TARS1: variants seen among roughly 807,000 people sequenced by gnomAD.
TARS1 encodes the protein threonine--tRNA ligase 1, cytoplasmic.
A neutral mutation model predicts 97.7 loss-of-function variants in TARS1; 57 were observed. That is an observed-to-expected ratio of 0.58 (90% CI 0.47 to 0.73). The LOEUF (loss-of-function observed/expected upper bound fraction) is 0.73. Among genes scored for constraint, TARS1 ranks in the 30% least tolerant of loss-of-function variants. The probability of loss-of-function intolerance (pLI) is 0.00; values close to 1 mark genes in which losing one functional copy is unlikely to be tolerated. For synonymous variants in TARS1, 312 were observed against 293.7 expected, an observed-to-expected ratio of 1.06 and a Z score of -0.64; for missense variants, 806 against 888.3, an observed-to-expected ratio of 0.91 and a Z score of 1.18.
Position 33,462,215 on chromosome 5 carries a change from C to T in TARS1, c.1835+12C>T. 1 of 1,604,280 alleles carries T rather than the reference C, an allele frequency of 6.2e-7. No homozygotes were observed. The highest frequency in any genetic ancestry group is 8.5e-7 in the Non-Finnish European group (1 of 1,174,890). On this transcript the variant is annotated intron_variant, in intron 16 of 18. Transcript: ENST00000265112. The stretch of plus-strand genomic sequence containing the variant: ...TATGGGGGCAAATGGTAATTTTTGT[C>T]ACTGTCTTTTTTTTCTGATTAGTAT...
Position 33,448,641 on chromosome 5 carries a change from G to A in TARS1, c.239G>A (p.Ser80Asn). The A allele has an allele frequency of 1.2e-6, 2 of 1,613,862 alleles. No individual in the cohort carries two copies. Among genetic ancestry groups the A allele is most frequent in the South Asian group, 1.1e-5 (1 of 91,062 alleles). ...CTGGCAGAAAAGGCAGAAAAAGATA[G>A]CAAGCCAATTAAAGTCACTTTGCCT... ...SILAEKAEKDSKPIKVTLPDG... is the reference protein window; with the variant it reads ...SILAEKAEKDNKPIKVTLPDG... The change falls in exon 3 of 19, where the codon AGC becomes AAC. Residue 80 changes from serine (S) to asparagine (N), a missense_variant. Physicochemically the swap from Ser to Asn is conservative, Grantham distance 46. Around this residue, in one of 3 missense-constraint regions of TARS1, gnomAD observed 356 missense variants for 357.8 expected, o/e 0.99. Coordinates refer to ENST00000265112, the MANE Select transcript of TARS1 (RefSeq NM_152295.5).
At chr5:33,464,717 G>A (rs1404358458) in intron 17 of TARS1, among the ~76,000 whole-genome samples, 1 of 151,910 alleles carries the variant, frequency 6.6e-6, no homozygotes, top group East Asian at 1.9e-4. Flanking sequence ...AGGGTGTGAT[G>A]ATTGTGCTTG....
chr5:33,447,099 G>A (rs1429086038), intron 2 of TARS1, among the ~76,000 whole-genome samples: 2 of 152,144 alleles, frequency 1.3e-5, no homozygotes, highest in Non-Finnish European at 2.9e-5. Context: ...CTGTGCCTGT[G>A]AATAGTCACT....
chr5:33,448,826 T>A, intron 3 of TARS1, 95 bp downstream of exon 3: 2 of 1,048,708 alleles, frequency 1.9e-6, no homozygotes, highest in South Asian at 5.2e-5. Context: ...AATATTTTTA[T>A]GTTACCATTC....
Position 33,467,699 on chromosome 5 carries a change from A to C in TARS1, c.2163A>C (p.Glu721Asp). The C allele has an allele frequency of 1.2e-6, 2 of 1,608,398 alleles. No homozygotes were observed. The highest frequency in any genetic ancestry group is 8.5e-7 in the Non-Finnish European group (1 of 1,178,424). Residue 721 changes from glutamate (E) to aspartate (D), a missense_variant, in exon 19 of 19, where the codon GAA becomes GAC. Transcript: ENST00000265112. ...AGTTCCGCAGCAAACAGGCAGAAGA[A>C]GAATTTTAATGAAAAAATTACCCAG... ...LKEFRSKQAE[E>D]EF
At chr5:33,458,459 G>C (rs1047781608) in intron 9 of TARS1, 107 bp from the exon 10 acceptor site, 14 of 804,780 alleles carry the variant, frequency 1.7e-5, no homozygotes, top group African/African-American at 1.1e-4. Flanking sequence ...ATTGAAATAT[G>C]GGACATCATG....
At chr5:33,453,017 G>C (rs1741821938) in intron 3 of TARS1, among the ~76,000 whole-genome samples, 1 of 151,910 alleles carries the variant, frequency 6.6e-6, no homozygotes, top group African/African-American at 2.4e-5. Flanking sequence ...ATTGGAAATT[G>C]ATAGTGCTTA....
At chr5:33,440,944 G>T, upstream of TARS1, 3 of 886,300 alleles carry the variant, frequency 3.4e-6, no homozygotes, top group Non-Finnish European at 5.2e-6. Flanking sequence ...GCAAGTTGGG[G>T]GCGGGGTTAG....
At chr5:33,454,852 T>C in intron 4 of TARS1, 93 bp from the exon 5 acceptor site, 1 of 1,467,318 alleles carries the variant, frequency 6.8e-7, no homozygotes, top group South Asian at 1.4e-5. Context: ...TTACTTGTAG[T>C]AAATATTATC....
rs1241424278 is a variant in TARS1, at chr5:33,443,618, G to A, written c.58-1706G>A. On this transcript the variant is annotated intron_variant, in intron 1 of 18. Coordinates refer to ENST00000265112, the MANE Select transcript of TARS1 (RefSeq NM_152295.5). ...AGCCATTCTCCTGCCTCAGCCTCCC[G>A]AGTAGCTGGGACTACAGGCACCCGC... Among the ~76,000 whole-genome samples, 15 of 151,254 alleles carry A rather than the reference G, an allele frequency of 9.9e-5. 1 individual carries two copies. The highest frequency in any genetic ancestry group is 3.4e-4 in the African/African-American group (14 of 41,232).
At chr5:33,448,377 G>A (rs1247048294) in intron 2 of TARS1, among the ~76,000 whole-genome samples, 164 bp from the exon 3 acceptor site, 2 of 152,276 alleles carry the variant, frequency 1.3e-5, no homozygotes, top group East Asian at 3.9e-4. Context: ...CCTTCATTTA[G>A]AACCAAATTG....
At chr5:33,452,531 C>T in intron 3 of TARS1, 1 of 917,762 alleles carries the variant, frequency 1.1e-6, no homozygotes, top group Non-Finnish European at 1.7e-6. Context: ...ACTCTGTGTG[C>T]TCTGATATTT....
At chr5:33,462,719 A>G (rs932784276) in intron 16 of TARS1, among the ~76,000 whole-genome samples, 1 of 152,246 alleles carries the variant, frequency 6.6e-6, no homozygotes, top group Admixed American at 6.5e-5. Context: ...TCCAAGATAC[A>G]TGGCCACATA....
At chr5:33,441,748 CTTTGTGA>C (rs1353218502) in intron 1 of TARS1, 2 of 152,388 alleles carry the variant, frequency 1.3e-5, no homozygotes, top group Non-Finnish European at 2.9e-5. Context: ...AGCCCTAGTG[CTTTGTGA>C]TCAACCTTGT....
Position 33,442,689 on chromosome 5 carries a change from A to T in TARS1, c.57+1546A>T, listed in dbSNP as rs540252685. ...CTGGCTAATTTTTTGTATTTTTAGT[A>T]GAGACGGGGTTTCACCGTGTTAGCC... On this transcript the variant is annotated intron_variant, in intron 1 of 18. Coordinates refer to ENST00000265112, the MANE Select transcript of TARS1 (RefSeq NM_152295.5). 4.0e-5 allele frequency among the ~76,000 whole-genome samples: 6 copies of T among 151,786 alleles called. No individual in the cohort carries two copies. In the East Asian group the frequency reaches 1.2e-3, roughly 29 times the overall value.
intron 8 of TARS1, among the ~76,000 whole-genome samples, chr5:33,456,783 G>A (rs897367034): frequency 1.3e-5 from 2 of 152,248 alleles, no homozygotes. Flanking sequence ...TGGGGGTATT[G>A]GGGTGTAGAA....
chr5:33,451,589 G>A (rs1741737404), intron 3 of TARS1, among the ~76,000 whole-genome samples: 1 of 152,258 alleles, frequency 6.6e-6, no homozygotes, highest in South Asian at 2.1e-4. Context: ...TAGCCAGGAT[G>A]GTCTTGATCT....
chr5:33,453,186 A>G, intron 3 of TARS1, 103 bp from the exon 4 acceptor site: 1 of 1,286,598 alleles, frequency 7.8e-7, no homozygotes, highest in South Asian at 2.2e-5. Context: ...ATCAATATAA[A>G]AAAACAATAT....
intron 6 of TARS1, 134 bp from the exon 7 acceptor site, chr5:33,455,868 A>G: frequency 1.0e-6 from 1 of 993,034 alleles, no homozygotes; most frequent in Non-Finnish European, 1.5e-6. Context: ...TTCCTAGCAA[A>G]CCATTCCTTC....
Sources: gnomAD v4.1 joint callset for allele counts (sites outside exome capture counted in the v4.1 genomes callset) on GRCh38, gnomAD v4.1.1 for gene constraint, gnomAD v4.1.1 regional missense constraint, MANE v1.5 for transcripts, NCBI Gene and HGNC (gene_info 2026-07-23, HGNC 2026-07-21) for gene names.